The following RASA1 variants were observed in gnomAD, a reference collection of about 807,000 sequenced individuals.
RASA1 encodes ras GTPase-activating protein 1.
A neutral mutation model predicts 132.2 loss-of-function variants in RASA1; 25 were observed. The observed-to-expected ratio is 0.19, with a 90% CI of 0.14 to 0.26. The LOEUF (loss-of-function observed/expected upper bound fraction) is 0.26. Among genes scored for constraint, RASA1 ranks in the 10% least tolerant of loss-of-function variants. RASA1 has a pLI of 1.00. For synonymous variants in RASA1, 477 were observed against 449.9 expected, an observed-to-expected ratio of 1.06 and a Z score of -0.76; for missense variants, 964 against 1,299.2, an observed-to-expected ratio of 0.74 and a Z score of 3.97.
At chr5:87,333,476 T>G in intron 4 of RASA1, 139 bp downstream of exon 4, 1 of 1,355,868 alleles carries the variant, frequency 7.4e-7, no homozygotes, top group South Asian at 1.4e-5. Flanking sequence ...ATTGGGTCTG[T>G]TGGTCCTGTA....
In RASA1 at chr5:87,390,977, C is replaced by A; in HGVS notation, c.*94C>A. ...CTCCTTTGCTCTTGCCAAAAAATAG[C>A]ACACTTTTCCACATTCCAGTGATGT... On this transcript the variant is annotated 3_prime_UTR_variant, in exon 25 of 25. Transcript: ENST00000274376. 8.4e-7 allele frequency: 1 copy of A among 1,194,396 alleles called. No individual in the cohort carries two copies. Among genetic ancestry groups the A allele is most frequent in the Non-Finnish European group, 1.2e-6 (1 of 807,174 alleles). The allele number at this position is 1,194,396 out of a possible 1,614,324, so 74.0% of individuals were successfully genotyped here.
At chr5:87,331,598 AAAT>A (rs1757604600) in intron 2 of RASA1, 98 bp downstream of exon 2, 1 of 1,314,248 alleles carries the variant, frequency 7.6e-7, no homozygotes, top group Non-Finnish European at 1.1e-6. Context: ...ACTCAGTAAC[AAAT>A]AATAGAGAAG....
chr5:87,295,006 T>A (rs778839802), intron 1 of RASA1, among the ~76,000 whole-genome samples: 14 of 152,232 alleles, frequency 9.2e-5, no homozygotes, highest in South Asian at 4.1e-4. Context: ...GGTTTTTTTT[T>A]ATTTTTACTC....
rs762755197 is a variant in RASA1 at position 87,346,730 on chromosome 5, T to G, written c.1102+6T>G. The G allele has an allele frequency of 2.6e-6, 4 of 1,531,804 alleles. No homozygotes were observed. The highest frequency in any genetic ancestry group is 1.4e-5 in the African/African-American group (1 of 72,940). 94.9% of individuals were successfully genotyped at this position (1,531,804 alleles called of 1,614,324 possible). Reference sequence around the variant, plus strand: ...TTATAATTTACTAATGACAGGTACTTACATATTTACTTGCTTTTCTAATGT... The same window carrying G: ...TTATAATTTACTAATGACAGGTACTGACATATTTACTTGCTTTTCTAATGT... On this transcript the variant is annotated splice_donor_region_variant and intron_variant, in intron 7 of 24. Coordinates refer to ENST00000274376, the MANE Select transcript of RASA1 (RefSeq NM_002890.3).
At chr5:87,327,033 A>G (rs962026200) in intron 1 of RASA1, among the ~76,000 whole-genome samples, 3 of 152,230 alleles carry the variant, frequency 2.0e-5, no homozygotes, top group African/African-American at 7.2e-5. Flanking sequence ...AATCAGTCCC[A>G]TATCCTTTGA....
Position 87,386,486 on chromosome 5 carries a change from A to G in RASA1, c.2848-340A>G, listed in dbSNP as rs1447202233. Among the ~76,000 whole-genome samples the G allele has an allele frequency of 2.6e-5, 4 of 152,136 alleles. No individual in the cohort carries two copies. In the East Asian group the frequency reaches 5.8e-4, roughly 22 times the overall value. ...TGGGGCCATGTTTGAGTGAATTTAT[A>G]TATAAACAATTTGTGTCTGCCAGGC... On this transcript the variant is annotated intron_variant, in intron 22 of 24. Transcript: ENST00000274376.
chr5:87,285,033 C>CATTTATTTATTT lies in RASA1; in HGVS notation c.539+16084_539+16095dup, dbSNP rs34217012. Among the ~76,000 whole-genome samples, 447 of 137,058 alleles carry CATTTATTTATTT rather than the reference C, an allele frequency of 3.3e-3. 1 individual carries two copies. The highest frequency in any genetic ancestry group is 0.011 in the Middle Eastern group (3 of 274). 89.9% of individuals were successfully genotyped at this position (137,058 alleles called of 152,430 possible). On this transcript the variant is annotated intron_variant, in intron 1 of 24. Coordinates refer to ENST00000274376, the MANE Select transcript of RASA1 (RefSeq NM_002890.3). Reference sequence around the variant, plus strand: ...TAAAGTGCTGCGGAGATAATGGTACCATTTATTTATTTATTTATTTATTTA... The same window carrying CATTTATTTATTT: ...TAAAGTGCTGCGGAGATAATGGTACCATTTATTTATTTATTTATTTATTTATTTATTTATTTA...
chr5:87,297,772 C>G (rs1755186853), intron 1 of RASA1, among the ~76,000 whole-genome samples: 1 of 152,172 alleles, frequency 6.6e-6, no homozygotes, highest in South Asian at 2.1e-4. Context: ...TAGTAGAGCT[C>G]CTGGAGGTAA....
chr5:87,285,032 CCATTTATT>C (rs1452204320), intron 1 of RASA1, among the ~76,000 whole-genome samples: 23 of 136,682 alleles, frequency 1.7e-4, no homozygotes, highest in Admixed American at 2.9e-4. Flanking sequence ...GATAATGGTA[CCATTTATT>C]TATTTATTTA....
Position 87,349,383 on chromosome 5 carries a change from G to T in RASA1, c.1253+19G>T, listed in dbSNP as rs374702293. ...ATAACAGGTAAATCATAATTTTTTA[G>T]CTATCTTTTACTTTTCGCAAAAATA... On this transcript the variant is annotated intron_variant, in intron 8 of 24. Transcript: ENST00000274376. 19 of 1,610,200 alleles carry T rather than the reference G, an allele frequency of 1.2e-5. No individual in the cohort carries two copies. Among genetic ancestry groups the T allele is most frequent in the Non-Finnish European group, 1.5e-5 (18 of 1,177,634 alleles).
At chr5:87,276,484 T>C (rs1453085313) in intron 1 of RASA1, among the ~76,000 whole-genome samples, 1 of 152,166 alleles carries the variant, frequency 6.6e-6, no homozygotes, top group Non-Finnish European at 1.5e-5. Flanking sequence ...TTAGTGGTTA[T>C]GTGATTTAGT....
chr5:87,273,738 C>T (rs112910254), intron 1 of RASA1, among the ~76,000 whole-genome samples: 1 of 148,042 alleles, frequency 6.8e-6, no homozygotes, highest in Non-Finnish European at 1.5e-5. Flanking sequence ...TGCTCTGTTA[C>T]CCAGGGTGGT....
At chr5:87,280,627 A>C (rs183095557) in intron 1 of RASA1, among the ~76,000 whole-genome samples, 2 of 152,116 alleles carry the variant, frequency 1.3e-5, no homozygotes, top group East Asian at 3.9e-4. Flanking sequence ...AAATCTTTTC[A>C]TGTGCTTTTT....
intron 1 of RASA1, among the ~76,000 whole-genome samples, chr5:87,285,275 G>A (rs1235463778): frequency 1.3e-5 from 2 of 151,712 alleles, no homozygotes; most frequent in Admixed American, 6.6e-5. Context: ...CACTATGTTG[G>A]CCAGGATGGT....
chr5:87,318,222 A>G (rs559900121), intron 1 of RASA1, among the ~76,000 whole-genome samples: 6 of 152,174 alleles, frequency 3.9e-5, no homozygotes, highest in Admixed American at 1.3e-4. Context: ...AAAGCACTGT[A>G]CTAAGAATGC....
chr5:87,332,395 G>T, intron 2 of RASA1, 112 bp from the exon 3 acceptor site: 1 of 1,129,452 alleles, frequency 8.9e-7, no homozygotes, highest in South Asian at 1.4e-5. Context: ...TAAGGATATA[G>T]TTACAAGGAA....
At position 87,277,329 on chromosome 5, in the gene RASA1, A is replaced by G. The variant is rs1455807863; in HGVS notation, c.539+8339A>G. Among the ~76,000 whole-genome samples, 4 of 152,186 alleles carry G rather than the reference A, an allele frequency of 2.6e-5. No homozygotes were observed. In the East Asian group the frequency reaches 7.7e-4, roughly 29 times the overall value. Reference sequence around the variant, plus strand: ...GTTCCCCCCTGTCCCCCATAGTCATAGGTTGAAGCCTTAACCACCAATGTA... The same window carrying G: ...GTTCCCCCCTGTCCCCCATAGTCATGGGTTGAAGCCTTAACCACCAATGTA... On this transcript the variant is annotated intron_variant, in intron 1 of 24. Transcript: ENST00000274376.
intron 1 of RASA1, among the ~76,000 whole-genome samples, chr5:87,270,239 C>G (rs1303006301): frequency 7.8e-6 from 1 of 128,520 alleles, no homozygotes; most frequent in Non-Finnish European, 1.6e-5. Context: ...GAGACTCTGT[C>G]TCAAAAAAAA....
At chr5:87,284,440 A>G (rs1288313168) in intron 1 of RASA1, among the ~76,000 whole-genome samples, 2 of 152,172 alleles carry the variant, frequency 1.3e-5, no homozygotes, top group African/African-American at 4.8e-5. Flanking sequence ...AGAAGAAATT[A>G]TTATTAATCA....
Sources: allele counts gnomAD v4.1 joint callset (sites outside exome capture counted in the v4.1 genomes callset), GRCh38; gene constraint gnomAD v4.1.1; transcripts MANE v1.5; gene names NCBI Gene and HGNC (gene_info 2026-07-23, HGNC 2026-07-21).